The following RHD variants were observed in gnomAD, a reference collection of about 807,000 sequenced individuals.
The protein encoded by RHD is Rh blood group D antigen.
RHD carries 16 observed loss-of-function variants against 45.5 expected under a neutral mutation model. That is an observed-to-expected ratio of 0.35 (90% confidence interval 0.24 to 0.53). RHD has a LOEUF of 0.53. RHD is among the 20% of genes least tolerant of loss of function. RHD has a pLI of 0.92. For missense variants in RHD, 306 were observed against 532.0 expected, an observed-to-expected ratio of 0.58 and a Z score of 4.18; for synonymous variants, 131 against 217.5, an observed-to-expected ratio of 0.60 and a Z score of 3.50.
At chr1:25,299,260 T>C (rs1476641636) in intron 3 of RHD, among the ~76,000 whole-genome samples, 1 of 128,662 alleles carries the variant, frequency 7.8e-6, no homozygotes, top group African/African-American at 2.7e-5. Flanking sequence ...TGGGTGCCTG[T>C]AATCCCAGCT....
intron 8 of RHD, among the ~76,000 whole-genome samples, chr1:25,318,975 G>A (rs1214129165): frequency 7.5e-6 from 1 of 133,088 alleles, no homozygotes; most frequent in Non-Finnish European, 1.8e-5. Flanking sequence ...GCGGAGTAGC[G>A]TTAATTCCGT....
chr1:25,309,421 A>G lies in RHD; in HGVS notation c.1073+2692A>G. ...ATAGCAGAGAAAACCTCAGACTGCCATATCTGGGAGAGATTTTAGCAACAT... is the reference window on the plus strand; with the variant it reads ...ATAGCAGAGAAAACCTCAGACTGCCGTATCTGGGAGAGATTTTAGCAACAT... On this transcript the variant is annotated intron_variant, in intron 7 of 9. Transcript: ENST00000328664. 1.5e-5 allele frequency among the ~76,000 whole-genome samples: 2 copies of G among 131,758 alleles called. 1 individual carries two copies. Among genetic ancestry groups the G allele is most frequent in the Non-Finnish European group, 3.6e-5 (2 of 55,948 alleles). 86.4% of individuals were successfully genotyped at this position (131,758 alleles called of 152,430 possible).
At position 25,303,521 on chromosome 1, in the gene RHD, T is replaced by C. The variant is rs1643561401; in HGVS notation, c.939+62T>C. The C allele has an allele frequency of 6.4e-5, 86 of 1,339,604 alleles. 16 individuals are homozygous for C. In the South Asian group the frequency reaches 9.5e-4, roughly 15 times the overall value. 83.0% of individuals were successfully genotyped at this position (1,339,604 alleles called of 1,614,324 possible). A position where few individuals can be genotyped will look rare whatever the true frequency, so the allele number is the denominator to read the frequency against. On this transcript the variant is annotated intron_variant, in intron 6 of 9. Coordinates refer to ENST00000328664, the MANE Select transcript of RHD (RefSeq NM_016124.6). ...TGAAGGCCAGCAGGACGCTGGGACC[T>C]GATGGGCCACTGTGCAGTGCACAGC...
At chr1:25,287,093 A>AAAAAC (rs1249953582) in intron 2 of RHD, among the ~76,000 whole-genome samples, 1 of 135,030 alleles carries the variant, frequency 7.4e-6, no homozygotes, top group African/African-American at 2.6e-5. Context: ...GCTCTGTCTC[A>AAAAAC]AAAACAAAAC....
At position 25,301,326 on chromosome 1, in the gene RHD, T is replaced by TGTCTGTAAAA. The variant is rs1488125706; in HGVS notation, c.635-194_635-193insGTCTGTAAAA. On this transcript the variant is annotated intron_variant, in intron 4 of 9. Transcript: ENST00000328664. ...ATGCAGATTTCAACCCTCTTGGCCT[T>TGTCTGTAAAA]TGTTTCCTTGTCTGTAAAATGTGGT... 1.5e-5 allele frequency among the ~76,000 whole-genome samples: 2 copies of TGTCTGTAAAA among 130,316 alleles called. 1 individual carries two copies. Among genetic ancestry groups the TGTCTGTAAAA allele is most frequent in the Non-Finnish European group, 3.6e-5 (2 of 55,334 alleles). The allele number at this position is 130,316 out of a possible 152,430, so 85.5% of individuals were successfully genotyped here. A position where few individuals can be genotyped will look rare whatever the true frequency, so the allele number is the denominator to read the frequency against.
chr1:25,321,193 C>G (rs995675303), intron 8 of RHD, among the ~76,000 whole-genome samples: 1 of 129,594 alleles, frequency 7.7e-6, no homozygotes, highest in Non-Finnish European at 1.8e-5. Flanking sequence ...GAAGACAGAC[C>G]TATAGGAGCA....
intron 7 of RHD, among the ~76,000 whole-genome samples, chr1:25,312,919 CTAAAAAAAAAA>C (rs1644226360): frequency 2.8e-4 from 1 of 3,618 alleles, no homozygotes; most frequent in Admixed American, 5.7e-3. Context: ...AATCCCATCT[CTAAAAAAAAAA>C]AAAAAAAAAA....
rs999212496 is a variant in RHD, at chr1:25,278,316, T to C, written c.148+5621T>C. Among the ~76,000 whole-genome samples the C allele has an allele frequency of 9.2e-4, 120 of 130,460 alleles. 14 individuals are homozygous for C. Among genetic ancestry groups the C allele is most frequent in the African/African-American group, 2.9e-3 (110 of 38,392 alleles). 85.6% of individuals were successfully genotyped at this position (130,460 alleles called of 152,430 possible). A position where few individuals can be genotyped will look rare whatever the true frequency, so the allele number is the denominator to read the frequency against. ...GGATGAATGAACAATGATATGTTCA[T>C]TCTGGGCTTGGAGTTAAGGGGCCTA... On this transcript the variant is annotated intron_variant, in intron 1 of 9. Transcript: ENST00000328664.
chr1:25,313,971 T>C (rs1242391535), intron 7 of RHD, among the ~76,000 whole-genome samples: 1 of 133,306 alleles, frequency 7.5e-6, no homozygotes, highest in African/African-American at 2.6e-5. Context: ...AGAATTTATT[T>C]ATCCATTATT....
intron 7 of RHD, chr1:25,306,940 A>G: frequency 5.5e-6 from 3 of 547,440 alleles, no homozygotes; most frequent in East Asian, 3.0e-5. Flanking sequence ...TTCTTTCCAA[A>G]TAGGGCCACC....
intron 1 of RHD, among the ~76,000 whole-genome samples, chr1:25,276,532 T>TAAAAAAAAAAAAAAAAAAAAAA (rs557746335): frequency 9.3e-5 from 6 of 64,780 alleles, no homozygotes; most frequent in African/African-American, 3.6e-4. Flanking sequence ...CCCCCATCTC[T>TAAAAAAAAAAAAAAAAAAAAAA]AAAAAAAAAA....
In RHD at chr1:25,329,562, A is replaced by T. The variant is rs113683142; in HGVS notation, c.*638A>T. 0.022 allele frequency: 3,619 copies of T among 165,382 alleles called. 564 individuals carry two copies. Among genetic ancestry groups the T allele is most frequent in the African/African-American group, 0.087 (3,363 of 38,674 alleles). 10.2% of individuals were successfully genotyped at this position (165,382 alleles called of 1,614,324 possible). ...CCAGCCTTGTTTGCTTTTTTAACAG[A>T]TAACAGTGTGCTCATAGAAACTGCT... is the stretch of plus-strand genomic sequence containing the variant. On this transcript the variant is annotated 3_prime_UTR_variant, in exon 10 of 10. Coordinates refer to ENST00000328664, the MANE Select transcript of RHD (RefSeq NM_016124.6).
intron 7 of RHD, among the ~76,000 whole-genome samples, chr1:25,311,555 T>G (rs1644150394): frequency 7.7e-6 from 1 of 129,316 alleles, no homozygotes; most frequent in South Asian, 2.4e-4. Flanking sequence ...GAAAGAAAAT[T>G]AGTACACATA....
chr1:25,300,029 CA>C, intron 3 of RHD, among the ~76,000 whole-genome samples: 1 of 131,544 alleles, frequency 7.6e-6, no homozygotes, highest in East Asian at 2.0e-4. Context: ...GGATTACAGG[CA>C]AAATTAGAAT....
chr1:25,322,489 G>A lies in RHD; in HGVS notation c.1227+527G>A, dbSNP rs376458171. 1.5e-5 allele frequency among the ~76,000 whole-genome samples: 2 copies of A among 132,322 alleles called. 1 individual carries two copies. The highest frequency in any genetic ancestry group is 4.6e-4 in the South Asian group (2 of 4,314). 86.8% of individuals were successfully genotyped at this position (132,322 alleles called of 152,430 possible). On this transcript the variant is annotated intron_variant, in intron 9 of 9. Transcript: ENST00000328664. ...GGAGTTCGAGACCAGCCTGGCCAAC[G>A]TGTCGAAACCCCATCTCTACTAAAA...
chr1:25,311,385 C>T lies in RHD; in HGVS notation c.1073+4656C>T, dbSNP rs574801509. Among the ~76,000 whole-genome samples the T allele has an allele frequency of 1.5e-4, 19 of 130,642 alleles. 3 individuals are homozygous for T. The East Asian group carries it at 3.3e-3, about 23-fold the overall frequency. 85.7% of individuals were successfully genotyped at this position (130,642 alleles called of 152,430 possible). A position where few individuals can be genotyped will look rare whatever the true frequency, so the allele number is the denominator to read the frequency against. ...AACTAGTACACATAAATTAGCCAGG[C>T]GTGGTGGTGGGCGCCTGTATTCCCA... On this transcript the variant is annotated intron_variant, in intron 7 of 9. Coordinates refer to ENST00000328664, the MANE Select transcript of RHD (RefSeq NM_016124.6).
chr1:25,276,486 A>C lies in RHD; in HGVS notation c.148+3791A>C, dbSNP rs1379241960. ...GTGGGGAGGATCGCTTAAACCAAGG[A>C]GTTCAAGACGAGCCTAGGAAACATA... On this transcript the variant is annotated intron_variant, in intron 1 of 9. Transcript: ENST00000328664. 4.3e-5 allele frequency among the ~76,000 whole-genome samples: 5 copies of C among 116,872 alleles called. 1 individual carries two copies. The highest frequency in any genetic ancestry group is 9.9e-5 in the Non-Finnish European group (5 of 50,698). The allele number at this position is 116,872 out of a possible 152,430, so 76.7% of individuals were successfully genotyped here.
At chr1:25,272,857 TG>T (rs1033763157) in intron 1 of RHD, among the ~76,000 whole-genome samples, 162 bp downstream of exon 1, 1 of 131,542 alleles carries the variant, frequency 7.6e-6, no homozygotes, top group African/African-American at 2.6e-5. Context: ...CAGCCAACAA[TG>T]TAAGCTTTCC....
In RHD at chr1:25,304,889, C is replaced by T. The variant is rs538006013; in HGVS notation, c.939+1430C>T. ...AGTTATCATCAGTCTCAGCGCCCAT[C>T]GCATTCCCTGAGCTTGTTTCCTTGA... On this transcript the variant is annotated intron_variant, in intron 6 of 9. Coordinates refer to ENST00000328664, the MANE Select transcript of RHD (RefSeq NM_016124.6). The T allele has an allele frequency of 7.6e-5, 10 of 131,948 alleles. 3 individuals carry two copies. The highest frequency in any genetic ancestry group is 2.1e-4 in the African/African-American group (8 of 38,300). The allele number at this position is 131,948 out of a possible 1,614,324, so 8.2% of individuals were successfully genotyped here.
Sources: gnomAD v4.1 joint callset for allele counts (sites outside exome capture counted in the v4.1 genomes callset) on GRCh38, gnomAD v4.1.1 for gene constraint, MANE v1.5 for transcripts, NCBI Gene and HGNC (gene_info 2026-07-23, HGNC 2026-07-21) for gene names.